Variants in WDPCP observed in about 807,000 individuals in gnomAD.
WDPCP encodes the protein WD repeat-containing and planar cell polarity effector protein fritz homolog.
In WDPCP, 71 loss-of-function variants were observed where a neutral mutation model predicts 93.1. That is an observed-to-expected ratio of 0.76 (90% confidence interval 0.63 to 0.93). The LOEUF is 0.93. Ranked by LOEUF, WDPCP falls within the 40% of genes least tolerant of loss-of-function variation. WDPCP has a pLI of 0.00. For synonymous variants in WDPCP, 315 were observed against 315.0 expected (o/e 1.00, Z 0.00); for missense variants, 844 against 887.4 (o/e 0.95, Z 0.62).
At chr2:63,595,828 T>TC (rs2106608230) in intron 3 of WDPCP, among the ~76,000 whole-genome samples, 1 of 152,272 alleles carries the variant, frequency 6.6e-6, no homozygotes, top group South Asian at 2.1e-4. Context: ...CACACACACA[T>TC]TATAGACAAC....
intron 3 of WDPCP, among the ~76,000 whole-genome samples, chr2:63,635,329 C>T (rs1197896893): frequency 6.6e-6 from 1 of 152,132 alleles, no homozygotes; most frequent in Non-Finnish European, 1.5e-5. Context: ...TCAAACTCTT[C>T]CAGAAAATTG....
intron 6 of WDPCP, among the ~76,000 whole-genome samples, chr2:63,476,658 C>A (rs968865379): frequency 1.3e-5 from 2 of 152,072 alleles, no homozygotes; most frequent in Non-Finnish European, 2.9e-5. Context: ...CACAGTTCTT[C>A]CCACAATGGT....
Position 63,626,939 on chromosome 2 carries a change from C to T in WDPCP, n.488+23720G>A, listed in dbSNP as rs538615179. The stretch of plus-strand genomic sequence containing the variant: ...TGTCATGCTGTGTAACAAACCTGCA[C>T]GTTCTGCACATGTATCCCAGAACTT... On this transcript the variant is annotated intron_variant and non_coding_transcript_variant, in intron 3 of 4. Transcript: ENST00000467687. Among the ~76,000 whole-genome samples, 15 of 150,228 alleles carry T rather than the reference C, an allele frequency of 1.0e-4. No homozygotes were observed. The East Asian group carries it at 2.7e-3, about 27-fold the overall frequency.
At chr2:63,200,680 A>T (rs1056549324) in intron 14 of WDPCP, among the ~76,000 whole-genome samples, 1 of 152,114 alleles carries the variant, frequency 6.6e-6, no homozygotes, top group Non-Finnish European at 1.5e-5. Context: ...TGGAAAGGGT[A>T]GTGGGGGAGA....
chr2:63,258,827 CT>C (rs1269053449), intron 14 of WDPCP, among the ~76,000 whole-genome samples: 1 of 152,072 alleles, frequency 6.6e-6, no homozygotes, highest in East Asian at 1.9e-4. Flanking sequence ...TCTGATCTGT[CT>C]TCTTCAGAAT....
At chr2:63,497,111 CAAAAAAAAAA>C (rs10667775) in intron 1 of WDPCP, among the ~76,000 whole-genome samples, 2 of 72,482 alleles carry the variant, frequency 2.8e-5, no homozygotes, top group East Asian at 4.3e-4. Context: ...GACTCCATCT[CAAAAAAAAAA>C]AAAAAAAAAA....
chr2:63,795,436 C>G (rs142973930), intron 2 of WDPCP, among the ~76,000 whole-genome samples: 3 of 150,256 alleles, frequency 2.0e-5, no homozygotes, highest in Non-Finnish European at 4.4e-5. Context: ...GAGGGTGAGG[C>G]AGGAGGATCA....
chr2:63,758,953 A>AT (rs980247202), intron 2 of WDPCP, among the ~76,000 whole-genome samples: 6 of 150,382 alleles, frequency 4.0e-5, no homozygotes, highest in Admixed American at 3.3e-4. Flanking sequence ...AATTTTCTGT[A>AT]TTTTTTTAGT....
At chr2:63,533,487 G>C (rs1413548065) in intron 1 of WDPCP, among the ~76,000 whole-genome samples, 2 of 152,152 alleles carry the variant, frequency 1.3e-5, no homozygotes, top group Non-Finnish European at 2.9e-5. Flanking sequence ...AAATGTAAAA[G>C]AACAGAAATT....
At chr2:63,707,281 G>T (rs573358534) in intron 2 of WDPCP, among the ~76,000 whole-genome samples, 1 of 152,158 alleles carries the variant, frequency 6.6e-6, no homozygotes, top group South Asian at 2.1e-4. Context: ...ATGTAGATTT[G>T]GTCTTTTCAC....
intron 2 of WDPCP, among the ~76,000 whole-genome samples, chr2:63,657,428 G>A (rs951567706): frequency 1.3e-5 from 2 of 151,942 alleles, no homozygotes; most frequent in Non-Finnish European, 2.9e-5. Context: ...GGATGGTCTC[G>A]ATCTTCTGAC....
chr2:63,593,716 C>G, upstream of WDPCP: 1 of 471,182 alleles, frequency 2.1e-6, no homozygotes, highest in South Asian at 1.5e-5. Context: ...TTCTGTCTAA[C>G]TAAACCTACC....
At chr2:63,430,305 T>C (rs1696645212) in intron 9 of WDPCP, among the ~76,000 whole-genome samples, 1 of 152,064 alleles carries the variant, frequency 6.6e-6, no homozygotes, top group Non-Finnish European at 1.5e-5. Context: ...GTTTCGATCA[T>C]ACCCCAAACC....
chr2:63,524,272 T>C (rs541396132), intron 1 of WDPCP, among the ~76,000 whole-genome samples: 1 of 144,902 alleles, frequency 6.9e-6, no homozygotes, highest in East Asian at 2.1e-4. Context: ...CTAAAATTCA[T>C]ATGGAACCAA....
intron 13 of WDPCP, among the ~76,000 whole-genome samples, chr2:63,298,869 A>G (rs1159460388): frequency 1.3e-5 from 2 of 152,164 alleles, no homozygotes; most frequent in African/African-American, 2.4e-5. Flanking sequence ...GATGAGTACT[A>G]TATCTTTATA....
intron 15 of WDPCP, among the ~76,000 whole-genome samples, chr2:63,170,435 G>A (rs1186424866): frequency 6.6e-6 from 1 of 151,674 alleles, no homozygotes; most frequent in African/African-American, 2.4e-5. Flanking sequence ...ATCACACCAG[G>A]CTAATTTTTA....
chr2:63,145,214 C>CT (rs1671399983), intron 17 of WDPCP, among the ~76,000 whole-genome samples: 1 of 152,076 alleles, frequency 6.6e-6, no homozygotes, highest in African/African-American at 2.4e-5. Context: ...GTTTAATGCT[C>CT]TATTTTTGGG....
intron 2 of WDPCP, among the ~76,000 whole-genome samples, chr2:63,726,204 C>T (rs1024831215): frequency 3.3e-5 from 5 of 152,154 alleles, no homozygotes; most frequent in African/African-American, 9.7e-5. Context: ...GTCTTCAATA[C>T]ATCTTGAGTT....
chr2:63,508,018 A>AT (rs1342589818), intron 1 of WDPCP, among the ~76,000 whole-genome samples: 1 of 152,190 alleles, frequency 6.6e-6, no homozygotes, highest in Non-Finnish European at 1.5e-5. Context: ...TCTTCAGGGT[A>AT]TTATCCAGGA....
Sources: allele counts gnomAD v4.1 joint callset (sites outside exome capture counted in the v4.1 genomes callset), GRCh38; gene constraint gnomAD v4.1.1; transcripts MANE v1.5; gene names NCBI Gene and HGNC (gene_info 2026-07-23, HGNC 2026-07-21).